Variants in DACT1 observed in about 807,000 individuals in gnomAD.
DACT1 encodes dishevelled binding antagonist of beta catenin 1, also known as dapper homolog 1.
A neutral mutation model predicts 35.3 loss-of-function variants in DACT1; 19 were observed. The ratio of observed to expected loss-of-function variants is 0.54; its 90% CI spans 0.38 to 0.79. The LOEUF (loss-of-function observed/expected upper bound fraction) is 0.79. DACT1 is among the 30% of genes least tolerant of loss of function. The pLI is 0.00. For missense variants in DACT1, 1,143 were observed against 1,057.5 expected, an observed-to-expected ratio of 1.08 and a Z score of -1.12; for synonymous variants, 545 against 466.7, an observed-to-expected ratio of 1.17 and a Z score of -2.16.
Position 58,646,502 on chromosome 14 carries a change from G to A in DACT1, c.1768G>A (p.Ala590Thr), listed in dbSNP as rs2047684954. ...GGATACAAATAAGAAACTCAAGAAA[G>A]CCTCCTCCAAGGGGAGGAAGAGTGG... ...DLDTNKKLKK[A>T]SSKGRKSGGG... The change falls in exon 4 of 4, where the codon GCC (alanine) becomes ACC (threonine). Residue 590 changes from alanine (A) to threonine (T), a missense_variant. Coordinates refer to ENST00000395153, the MANE Select transcript of DACT1 (RefSeq NM_001079520.2). 3.2e-6 allele frequency: 5 copies of A among 1,560,892 alleles called. No homozygotes were observed. Among genetic ancestry groups the A allele is most frequent in the Non-Finnish European group, 4.3e-6 (5 of 1,158,194 alleles).
In DACT1 at chr14:58,638,172, G is replaced by A; in HGVS notation, c.-31G>A. The A allele has an allele frequency of 7.8e-7, 1 of 1,278,810 alleles. No homozygotes were observed. 79.2% of individuals were successfully genotyped at this position (1,278,810 alleles called of 1,614,324 possible). A position where few individuals can be genotyped will look rare whatever the true frequency, so the allele number is the denominator to read the frequency against. ...TCCTCCGCCTGGGCGGCCCGGCTGC[G>A]GTGACGGCTCTCGCTGCCCGACTGG... On this transcript the variant is annotated 5_prime_UTR_variant, in exon 1 of 4. Transcript: ENST00000395153.
At chr14:58,634,754 G>C (rs553686497), upstream of DACT1, among the ~76,000 whole-genome samples, 5 of 152,358 alleles carry the variant, frequency 3.3e-5, no homozygotes, top group South Asian at 4.1e-4. Flanking sequence ...GGCTGCAATA[G>C]AATGTTCACC....
chr14:58,645,764 C>T lies in DACT1; in HGVS notation c.1030C>T (p.Pro344Ser), dbSNP rs754889553. 2.5e-6 allele frequency: 4 copies of T among 1,614,242 alleles called. No homozygotes were observed. In the East Asian group the frequency reaches 8.9e-5, roughly 36 times the overall value. Residue 344 changes from proline (P) to serine (S), a missense_variant, in exon 4 of 4, where the codon CCG (proline) becomes TCG (serine). Pro to Ser is a moderately conservative substitution (Grantham distance 74, BLOSUM62 -1). Transcript: ENST00000395153. ...GAACGGGAGCGTTTGTGTCAGAGCC[C>T]CGGGCGGTGTCTCACAGGGCAACAG... is the stretch of plus-strand genomic sequence containing the variant. The part of the protein sequence containing the change: ...LRNGSVCVRA[P>S]GGVSQGNSVN...
In DACT1 at chr14:58,645,197, A is replaced by C. The variant is rs1470399818; in HGVS notation, c.635-172A>C. 3 of 1,397,586 alleles carry C rather than the reference A, an allele frequency of 2.1e-6. No homozygotes were observed. The African/African-American group carries it at 4.3e-5, about 20-fold the overall frequency. 86.6% of individuals were successfully genotyped at this position (1,397,586 alleles called of 1,614,324 possible). On this transcript the variant is annotated intron_variant, in intron 3 of 3. Coordinates refer to ENST00000395153, the MANE Select transcript of DACT1 (RefSeq NM_001079520.2). ...ATGGATTTTTCATAAAAATTGGCCA[A>C]AGAGTCAAGCTGGTGCTGACCAATT... is the stretch of plus-strand genomic sequence containing the variant.
rs2047689306 is a variant in DACT1, at chr14:58,646,650, A to G, written c.1916A>G (p.Tyr639Cys). 3.7e-6 allele frequency: 6 copies of G among 1,611,804 alleles called. No homozygotes were observed. The highest frequency in any genetic ancestry group is 3.3e-5 in the Admixed American group (2 of 59,968). ...VAKPKHKRTD[Y>C]RRWKSSAEIS... Reference sequence around the variant, plus strand: ...AAACCTAAGCACAAGCGAACTGACTACCGGCGGTGGAAGTCCTCGGCCGAG... The same window carrying G: ...AAACCTAAGCACAAGCGAACTGACTGCCGGCGGTGGAAGTCCTCGGCCGAG... The change falls in exon 4 of 4, where the codon TAC becomes TGC. Residue 639 changes from tyrosine to cysteine, a missense_variant. Physicochemically the swap from Tyr to Cys is radical, Grantham distance 194. Coordinates refer to ENST00000395153, the MANE Select transcript of DACT1 (RefSeq NM_001079520.2).
Position 58,638,285 on chromosome 14 carries a change from AG to A in DACT1, c.87del (p.Arg30AlafsTer82). ...GGCGAGCAGCGCACGGCGGAGCCCG[AG>A]GGGCGCTGGCGGGAGAAGGGCGAGG... The part of the protein sequence containing the change: ...ARGEQRTAEP[E>X]GRWREKGEAD... On this transcript the variant is annotated frameshift_variant, in exon 1 of 4. Transcript: ENST00000395153. LOFTEE classifies it high-confidence loss of function. 7.4e-7 allele frequency: 1 copy of A among 1,350,606 alleles called. No homozygotes were observed. Among genetic ancestry groups the A allele is most frequent in the Admixed American group, 3.7e-5 (1 of 27,330 alleles). 83.7% of individuals were successfully genotyped at this position (1,350,606 alleles called of 1,614,324 possible). A position where few individuals can be genotyped will look rare whatever the true frequency, so the allele number is the denominator to read the frequency against.
In DACT1 at chr14:58,638,035, A is replaced by C; in HGVS notation, c.-168A>C. 1.6e-6 allele frequency: 1 copy of C among 611,524 alleles called. No individual in the cohort carries two copies. Among genetic ancestry groups the C allele is most frequent in the Non-Finnish European group, 2.3e-6 (1 of 439,736 alleles). The allele number at this position is 611,524 out of a possible 1,614,324, so 37.9% of individuals were successfully genotyped here. A position where few individuals can be genotyped will look rare whatever the true frequency, so the allele number is the denominator to read the frequency against. ...GCGCTGCCCGGGCCGGGACAGCAGCAGCCGGCGGTCGCGCGCAGGACTCGA... is the reference window on the plus strand; with the variant it reads ...GCGCTGCCCGGGCCGGGACAGCAGCCGCCGGCGGTCGCGCGCAGGACTCGA... On this transcript the variant is annotated 5_prime_UTR_variant, in exon 1 of 4. Transcript: ENST00000395153.
rs1369225516 is a variant in DACT1 at position 58,647,360 on chromosome 14, T to C, written c.*226T>C. ...TTAGAAGTACATATTGAGGTTTTAA[T>C]GGTGGTGATAGTGAGTTTTGTGGCA... On this transcript the variant is annotated 3_prime_UTR_variant, in exon 4 of 4. Transcript: ENST00000395153. 2 of 560,366 alleles carry C rather than the reference T, an allele frequency of 3.6e-6. No individual in the cohort carries two copies. Among genetic ancestry groups the C allele is most frequent in the Non-Finnish European group, 6.2e-6 (2 of 322,026 alleles). 34.7% of individuals were successfully genotyped at this position (560,366 alleles called of 1,614,324 possible).
chr14:58,646,892 A>G lies in DACT1; in HGVS notation c.2158A>G (p.Ser720Gly). The part of the protein sequence containing the change: ...SNYTTNCFGD[S>G]ESSVSEGEFV... ...TTACACCACCAACTGCTTCGGGGAC[A>G]GCGAGTCGAGTGTGAGCGAGGGCGA... Residue 720 changes from serine (S) to glycine (G), a missense_variant, in exon 4 of 4, where the codon AGC becomes GGC. Transcript: ENST00000395153. The G allele has an allele frequency of 6.2e-7, 1 of 1,614,174 alleles. No individual in the cohort carries two copies. The highest frequency in any genetic ancestry group is 8.5e-7 in the Non-Finnish European group (1 of 1,180,032).
At position 58,646,593 on chromosome 14, in the gene DACT1, C is replaced by T. The variant is rs920577713; in HGVS notation, c.1859C>T (p.Ala620Val). ...AGGGHRAGSR[A>V]HGHGREAVVA... The stretch of plus-strand genomic sequence containing the variant: ...GGGGGCCACAGGGCGGGGAGCAGGG[C>T]GCATGGCCACGGACGGGAGGCGGTG... The change falls in exon 4 of 4, where the codon GCG becomes GTG. Residue 620 changes from alanine to valine, a missense_variant. Transcript: ENST00000395153. 6.3e-7 allele frequency: 1 copy of T among 1,587,700 alleles called. No homozygotes were observed. Among genetic ancestry groups the T allele is most frequent in the East Asian group, 2.3e-5 (1 of 43,270 alleles).
chr14:58,638,376 G>C lies in DACT1; in HGVS notation c.174G>C (p.Leu58=). Residue 58 remains leucine (L), a synonymous_variant, in exon 1 of 4, where the codon CTG becomes CTC. Transcript: ENST00000395153. Reference sequence around the variant, plus strand: ...CCACGCTGGCCGGGCTGGCGGAGCTGGAGTACCTGCGCCAGCGCCAAGAGC... The same window carrying C: ...CCACGCTGGCCGGGCTGGCGGAGCTCGAGTACCTGCGCCAGCGCCAAGAGC... ...QEATLAGLAE[L]EYLRQRQELL... The C allele has an allele frequency of 7.7e-7, 1 of 1,302,568 alleles. No individual in the cohort carries two copies. Among genetic ancestry groups the C allele is most frequent in the Non-Finnish European group, 9.7e-7 (1 of 1,028,692 alleles). The allele number at this position is 1,302,568 out of a possible 1,614,324, so 80.7% of individuals were successfully genotyped here. A position where few individuals can be genotyped will look rare whatever the true frequency, so the allele number is the denominator to read the frequency against.
chr14:58,641,870 A>T, intron 3 of DACT1, 123 bp downstream of exon 3: 1 of 889,756 alleles, frequency 1.1e-6, no homozygotes, highest in Non-Finnish European at 1.7e-6. Context: ...TGCGGCATTT[A>T]GTGCCATACT....
At chr14:58,638,570 G>T in intron 1 of DACT1, 23 bp downstream of exon 1, 1 of 1,324,796 alleles carries the variant, frequency 7.5e-7, no homozygotes, top group African/African-American at 1.5e-5. Context: ...CGAAGGTGGA[G>T]CACGGCTGTT....
Position 58,646,495 on chromosome 14 carries a change from C to G in DACT1, c.1761C>G (p.Leu587=). Residue 587 remains leucine, a synonymous_variant, in exon 4 of 4, where the codon CTC becomes CTG. Coordinates refer to ENST00000395153, the MANE Select transcript of DACT1 (RefSeq NM_001079520.2). The stretch of plus-strand genomic sequence containing the variant: ...ATGACTTGGATACAAATAAGAAACT[C>G]AAGAAAGCCTCCTCCAAGGGGAGGA... ...FPDDLDTNKK[L]KKASSKGRKS... 6.4e-7 allele frequency: 1 copy of G among 1,562,880 alleles called. No homozygotes were observed. The highest frequency in any genetic ancestry group is 8.6e-7 in the Non-Finnish European group (1 of 1,159,158).
rs752881298 is a variant in DACT1 at position 58,645,637 on chromosome 14, G to A, written c.903G>A (p.Met301Ile). 1 of 1,614,056 alleles carries A rather than the reference G, an allele frequency of 6.2e-7. No homozygotes were observed. Among genetic ancestry groups the A allele is most frequent in the Non-Finnish European group, 8.5e-7 (1 of 1,180,048 alleles). The change falls in exon 4 of 4, where the codon ATG becomes ATA. Residue 301 changes from methionine to isoleucine, a missense_variant. Physicochemically the swap from Met to Ile is conservative, Grantham distance 10 (BLOSUM62 1). This residue lies in a region of DACT1 where 1,054 missense variants were observed against 958.8 expected (regional missense o/e 1.10). Transcript: ENST00000395153. ...CCCATCCTTCATCCAGCAAGAAAAT[G>A]GATGGCTACATTCTGAGCCTGGTCC... Reference protein sequence around the residue: ...SASHPSSSKKMDGYILSLVQK... With the variant: ...SASHPSSSKKIDGYILSLVQK...
intron 1 of DACT1, among the ~76,000 whole-genome samples, chr14:58,639,787 T>A (rs28720967): frequency 0.017 from 2,544 of 152,344 alleles, 83 homozygotes; most frequent in African/African-American, 0.058. Flanking sequence ...GGCATTTTAC[T>A]GTGCTGCTTC....
In DACT1 at chr14:58,646,821, T is replaced by C; in HGVS notation, c.2087T>C (p.Leu696Pro). The C allele has an allele frequency of 6.2e-7, 1 of 1,614,156 alleles. No individual in the cohort carries two copies. Among genetic ancestry groups the C allele is most frequent in the Non-Finnish European group, 8.5e-7 (1 of 1,180,018 alleles). Reference protein sequence around the residue: ...DSEYSAECESLFHSTVVDTSE... With the variant: ...DSEYSAECESPFHSTVVDTSE... Reference sequence around the variant, plus strand: ...GAGTACTCGGCCGAGTGCGAGTCCCTGTTCCACTCCACCGTGGTGGACACC... The same window carrying C: ...GAGTACTCGGCCGAGTGCGAGTCCCCGTTCCACTCCACCGTGGTGGACACC... The change falls in exon 4 of 4, where the codon CTG (leucine) becomes CCG (proline). Residue 696 changes from leucine to proline, a missense_variant. By Grantham distance (98) the Leu-to-Pro change is moderately conservative. Around this residue, in one of 3 missense-constraint regions of DACT1, gnomAD observed 1,054 missense variants for 958.8 expected, o/e 1.10. Transcript: ENST00000395153.
chr14:58,635,677 T>C (rs2047568290), upstream of DACT1, among the ~76,000 whole-genome samples: 1 of 150,816 alleles, frequency 6.6e-6, no homozygotes, highest in African/African-American at 2.4e-5. Flanking sequence ...CAAAGTGGCA[T>C]TTGGTGAGGA....
intron 3 of DACT1, 97 bp downstream of exon 3, chr14:58,641,844 T>C: frequency 1.6e-6 from 2 of 1,227,848 alleles, no homozygotes; most frequent in Non-Finnish European, 2.3e-6. Context: ...GGTGGAAAAA[T>C]GAAGGTTCAT....
Sources: gnomAD v4.1 joint callset for allele counts (sites outside exome capture counted in the v4.1 genomes callset) on GRCh38, gnomAD v4.1.1 for gene constraint, gnomAD v4.1.1 regional missense constraint, MANE v1.5 for transcripts, NCBI Gene and HGNC (gene_info 2026-07-23, HGNC 2026-07-21) for gene names.